UBR3: variants seen among roughly 807,000 people sequenced by gnomAD.
UBR3 encodes E3 ubiquitin-protein ligase UBR3.
In UBR3, 85 loss-of-function variants were observed where a neutral mutation model predicts 243.2. The observed-to-expected ratio is 0.35, with a 90% confidence interval of 0.29 to 0.42. The LOEUF (loss-of-function observed/expected upper bound fraction) is 0.42, where lower values mean the gene tolerates loss of function less well. UBR3 is among the 10% of genes least tolerant of loss of function. The pLI is 1.00. For missense variants in UBR3, 1,686 were observed against 2,300.8 expected, an observed-to-expected ratio of 0.73 and a Z score of 5.47; for synonymous variants, 748 against 799.8, an observed-to-expected ratio of 0.94 and a Z score of 1.09.
At chr2:169,958,665 A>T (rs189365431) in intron 24 of UBR3, 139 bp downstream of exon 24, 1 of 656,668 alleles carries the variant, frequency 1.5e-6, no homozygotes, top group East Asian at 3.1e-5. Context: ...CAATATAGTG[A>T]TGGAAGATCA....
chr2:169,846,417 CT>C (rs1175972389), intron 1 of UBR3, among the ~76,000 whole-genome samples: 4 of 150,804 alleles, frequency 2.7e-5, no homozygotes, highest in Admixed American at 6.6e-5. Flanking sequence ...TTTAAAACTC[CT>C]TTTTTTTTAG....
At chr2:169,882,485 A>C (rs1421888988) in intron 5 of UBR3, among the ~76,000 whole-genome samples, 1 of 150,458 alleles carries the variant, frequency 6.6e-6, no homozygotes, top group African/African-American at 2.4e-5. Context: ...CCATAACTGT[A>C]ATCCCAGCAT....
intron 5 of UBR3, among the ~76,000 whole-genome samples, chr2:169,882,149 T>C (rs2083897490): frequency 7.6e-6 from 1 of 131,222 alleles, no homozygotes; most frequent in Non-Finnish European, 1.5e-5. Flanking sequence ...ATATTATATA[T>C]GTATATATAT....
chr2:169,940,160 G>A (rs1187828141), intron 19 of UBR3, among the ~76,000 whole-genome samples: 1 of 151,988 alleles, frequency 6.6e-6, no homozygotes, highest in Non-Finnish European at 1.5e-5. Context: ...TTTATGTTGG[G>A]AACATTACAG....
intron 33 of UBR3, among the ~76,000 whole-genome samples, chr2:170,059,958 A>G (rs1436036847): frequency 6.6e-6 from 1 of 152,196 alleles, no homozygotes; most frequent in Non-Finnish European, 1.5e-5. Flanking sequence ...AGCATAGTTC[A>G]TGATATTTTG....
At chr2:169,951,173 T>C (rs1030806910) in intron 23 of UBR3, among the ~76,000 whole-genome samples, 5 of 152,172 alleles carry the variant, frequency 3.3e-5, no homozygotes, top group African/African-American at 1.2e-4. Flanking sequence ...CTCAATCTGT[T>C]TTATATAGGT....
intron 24 of UBR3, among the ~76,000 whole-genome samples, chr2:169,969,844 C>T (rs917068237): frequency 5.3e-5 from 8 of 150,992 alleles, no homozygotes; most frequent in East Asian, 1.9e-4. Context: ...CCACCACGCC[C>T]GGCCTGTGTC....
Position 169,935,623 on chromosome 2 carries a change from A to G in UBR3, c.2663+2615A>G, listed in dbSNP as rs778238367. ...ATATTTCTGTTGCCTCCTGTCTCCC[A>G]TCTTGAAGGTTAATGGCTGCTGCCC... On this transcript the variant is annotated intron_variant, in intron 19 of 38. Transcript: ENST00000272793. 1.0e-3 allele frequency among the ~76,000 whole-genome samples: 156 copies of G among 152,206 alleles called. 1 individual carries two copies. The highest frequency in any genetic ancestry group is 1.3e-3 in the Non-Finnish European group (90 of 68,034).
At chr2:170,070,365 A>G (rs1470885118) in intron 35 of UBR3, among the ~76,000 whole-genome samples, 1 of 152,174 alleles carries the variant, frequency 6.6e-6, no homozygotes, top group Non-Finnish European at 1.5e-5. Context: ...CTGATAAAAG[A>G]GCATATCAAA....
At chr2:170,012,378 A>T (rs16857439) in intron 29 of UBR3, among the ~76,000 whole-genome samples, 1 of 152,084 alleles carries the variant, frequency 6.6e-6, no homozygotes, top group African/African-American at 2.4e-5. Flanking sequence ...TAAGCATCTT[A>T]TCAGGTACCC....
chr2:169,998,194 A>G (rs1392302509), intron 26 of UBR3, among the ~76,000 whole-genome samples: 1 of 152,376 alleles, frequency 6.6e-6, no homozygotes, highest in East Asian at 1.9e-4. Flanking sequence ...AACACCAAAT[A>G]GAAAACTTTT....
In UBR3 at chr2:170,061,147, A is replaced by G. The variant is rs1489671224; in HGVS notation, c.4854A>G (p.Gly1618=). The G allele has an allele frequency of 3.1e-6, 5 of 1,601,174 alleles. No homozygotes were observed. Among genetic ancestry groups the G allele is most frequent in the Non-Finnish European group, 3.4e-6 (4 of 1,176,574 alleles). ...TTGTGATAAGTGAACTATTTAAAGG[A>G]AAGTTATACCATGAAGAAGGAACTC... is the stretch of plus-strand genomic sequence containing the variant. ...LSFVISELFK[G]KLYHEEGTQE... The change falls in exon 34 of 39, where the codon GGA becomes GGG. Residue 1618 remains glycine, a synonymous_variant. Transcript: ENST00000272793.
At chr2:169,955,490 G>A (rs899391544) in intron 23 of UBR3, among the ~76,000 whole-genome samples, 2 of 151,564 alleles carry the variant, frequency 1.3e-5, no homozygotes, top group African/African-American at 2.4e-5. Context: ...TATTTTCTGG[G>A]GCAATAAGAT....
intron 26 of UBR3, among the ~76,000 whole-genome samples, chr2:170,000,223 T>TA (rs2089648772): frequency 6.6e-6 from 1 of 152,220 alleles, no homozygotes; most frequent in South Asian, 2.1e-4. Context: ...TTATTGTATA[T>TA]TATATTAAGA....
At chr2:169,923,900 G>C (rs2085802834) in intron 11 of UBR3, 29 bp from the exon 12 acceptor site, 1 of 1,515,540 alleles carries the variant, frequency 6.6e-7, no homozygotes, top group Admixed American at 2.3e-5. Context: ...AATAGTCTTT[G>C]ACTTGTGCAT....
intron 23 of UBR3, among the ~76,000 whole-genome samples, chr2:169,957,051 C>T (rs766906085): frequency 5.3e-5 from 8 of 152,120 alleles, no homozygotes; most frequent in East Asian, 1.9e-4. Flanking sequence ...TTATCTCTTC[C>T]GTGAACTAAC....
At chr2:169,944,957 C>T (rs780975910) in intron 20 of UBR3, among the ~76,000 whole-genome samples, 1 of 152,104 alleles carries the variant, frequency 6.6e-6, no homozygotes, top group Non-Finnish European at 1.5e-5. Context: ...AGGATGACTT[C>T]TGTGGTCTCC....
intron 1 of UBR3, among the ~76,000 whole-genome samples, chr2:169,863,496 T>A (rs2083156779): frequency 6.6e-6 from 1 of 152,246 alleles, no homozygotes; most frequent in Non-Finnish European, 1.5e-5. Flanking sequence ...CACTAAGGAC[T>A]ATTTAACCTT....
chr2:169,842,535 G>A (rs1468287798), intron 1 of UBR3, among the ~76,000 whole-genome samples: 1 of 152,118 alleles, frequency 6.6e-6, no homozygotes, highest in Admixed American at 6.5e-5. Context: ...TTGGGTCCAC[G>A]CTGCTTTTAT....
Sources: gnomAD v4.1 joint callset for allele counts (sites outside exome capture counted in the v4.1 genomes callset) on GRCh38, gnomAD v4.1.1 for gene constraint, MANE v1.5 for transcripts, NCBI Gene and HGNC (gene_info 2026-07-23, HGNC 2026-07-21) for gene names.